Variants in STEAP2 observed in about 807,000 individuals in gnomAD.
STEAP2 encodes the protein STEAP2 metalloreductase, also known as metalloreductase STEAP2.
In STEAP2, 30 loss-of-function variants were observed where a neutral mutation model predicts 46.4. That is an observed-to-expected ratio of 0.65 (90% confidence interval 0.48 to 0.88). STEAP2 has a LOEUF of 0.88. Among genes scored for constraint, STEAP2 ranks in the 40% least tolerant of loss-of-function variants. STEAP2 has a pLI of 0.00. For synonymous variants in STEAP2, 180 were observed against 200.5 expected (o/e 0.90, Z 0.86); for missense variants, 513 against 579.3 (o/e 0.89, Z 1.18).
chr7:90,228,701 G>A (rs1347278666), intron 4 of STEAP2, among the ~76,000 whole-genome samples: 2 of 152,094 alleles, frequency 1.3e-5, no homozygotes, highest in Admixed American at 6.6e-5. Flanking sequence ...TGAGAAGAGG[G>A]ATCTTTGTCT....
intron 2 of STEAP2, among the ~76,000 whole-genome samples, chr7:90,220,196 T>C (rs1467616400): frequency 6.6e-6 from 1 of 152,202 alleles, no homozygotes; most frequent in Non-Finnish European, 1.5e-5. Context: ...TGGAAGAGTT[T>C]GAAGAGAATT....
chr7:90,232,062 T>C (rs1281098907), intron 5 of STEAP2, among the ~76,000 whole-genome samples: 1 of 151,964 alleles, frequency 6.6e-6, no homozygotes, highest in Non-Finnish European at 1.5e-5. Flanking sequence ...AGGAAAATGT[T>C]CTTGATAAAA....
chr7:90,214,771 TTATCAGTGTGAA>T (rs970524522), intron 1 of STEAP2, among the ~76,000 whole-genome samples: 2 of 152,136 alleles, frequency 1.3e-5, no homozygotes, highest in African/African-American at 4.8e-5. Flanking sequence ...CTGTTTAGAA[TTATCAGTGTGAA>T]TATTTAAACT....
chr7:90,217,285 C>G (rs1271203101), intron 2 of STEAP2, among the ~76,000 whole-genome samples: 1 of 152,132 alleles, frequency 6.6e-6, no homozygotes, highest in Non-Finnish European at 1.5e-5. Flanking sequence ...TCTCTTCTAG[C>G]TACTTTGAAA....
Position 90,234,372 on chromosome 7 carries a change from T to C in STEAP2, c.*1748T>C. ...CCTCTTCCTGAAATTATAACATTTC[T>C]AAACTTACCCACGTAGGTACTACTG... On this transcript the variant is annotated 3_prime_UTR_variant, in exon 6 of 6. Coordinates refer to ENST00000394621, the MANE Select transcript of STEAP2 (RefSeq NM_001244944.2). The C allele has an allele frequency of 1.0e-6, 1 of 985,346 alleles. No individual in the cohort carries two copies. The allele number at this position is 985,346 out of a possible 1,614,324, so 61.0% of individuals were successfully genotyped here. A position where few individuals can be genotyped will look rare whatever the true frequency, so the allele number is the denominator to read the frequency against.
At chr7:90,239,834 G>A (rs558158602), downstream of STEAP2, among the ~76,000 whole-genome samples, 1 of 152,102 alleles carries the variant, frequency 6.6e-6, no homozygotes, top group Non-Finnish European at 1.5e-5. Context: ...CTTCAGGGGT[G>A]ACTATTCTTT....
chr7:90,238,634 T>G (rs1173070200), downstream of STEAP2, among the ~76,000 whole-genome samples: 1 of 152,216 alleles, frequency 6.6e-6, no homozygotes, highest in Non-Finnish European at 1.5e-5. Flanking sequence ...CTTCTCCTAC[T>G]GCCTCACTTC....
At chr7:90,214,551 G>A (rs896970340) in intron 1 of STEAP2, among the ~76,000 whole-genome samples, 3 of 152,080 alleles carry the variant, frequency 2.0e-5, no homozygotes, top group Admixed American at 6.5e-5. Context: ...CTTCACCAAC[G>A]TGGATACAGA....
chr7:90,229,311 C>T (rs1208097437), intron 4 of STEAP2, among the ~76,000 whole-genome samples: 1 of 152,074 alleles, frequency 6.6e-6, no homozygotes, highest in East Asian at 1.9e-4. Context: ...AAATGAGCTC[C>T]ATTGGCCTTT....
chr7:90,231,855 G>A (rs1238310312), intron 5 of STEAP2, among the ~76,000 whole-genome samples: 1 of 151,926 alleles, frequency 6.6e-6, no homozygotes, highest in Non-Finnish European at 1.5e-5. Flanking sequence ...TAGATGTTTT[G>A]ACCAATAATC....
Position 90,236,568 on chromosome 7 carries a change from G to C in STEAP2, c.*3944G>C. 1 of 1,050,572 alleles carries C rather than the reference G, an allele frequency of 9.5e-7. No individual in the cohort carries two copies. The highest frequency in any genetic ancestry group is 1.1e-6 in the Non-Finnish European group (1 of 871,930). The allele number at this position is 1,050,572 out of a possible 1,614,324, so 65.1% of individuals were successfully genotyped here. A position where few individuals can be genotyped will look rare whatever the true frequency, so the allele number is the denominator to read the frequency against. Reference sequence around the variant, plus strand: ...AATAATTTCAGTGGAAACTCAATCTGTTTTTACCTTTAAACAGTGAATTTT... The same window carrying C: ...AATAATTTCAGTGGAAACTCAATCTCTTTTTACCTTTAAACAGTGAATTTT... On this transcript the variant is annotated 3_prime_UTR_variant, in exon 6 of 6. Coordinates refer to ENST00000394621, the MANE Select transcript of STEAP2 (RefSeq NM_001244944.2).
intron 5 of STEAP2, among the ~76,000 whole-genome samples, chr7:90,230,599 G>T (rs186943095): frequency 3.7e-4 from 57 of 152,026 alleles, no homozygotes; most frequent in Non-Finnish European, 3.4e-4. Context: ...ATACTAATAC[G>T]TATGGATGTC....
chr7:90,230,224 G>A (rs919620383), intron 5 of STEAP2, among the ~76,000 whole-genome samples, 188 bp downstream of exon 5: 13 of 151,894 alleles, frequency 8.6e-5, no homozygotes, highest in African/African-American at 2.9e-4. Context: ...GTCAGTATAT[G>A]ATTGTACTGG....
intron 4 of STEAP2, 63 bp downstream of exon 4, chr7:90,227,561 A>G: frequency 4.3e-6 from 6 of 1,390,152 alleles, no homozygotes; most frequent in Non-Finnish European, 4.7e-6. Flanking sequence ...TATAAATTGT[A>G]AAACATAAAA....
At chr7:90,230,127 G>C in intron 5 of STEAP2, 91 bp downstream of exon 5, 2 of 1,541,234 alleles carry the variant, frequency 1.3e-6, no homozygotes, top group Non-Finnish European at 1.7e-6. Context: ...TTATTAAAAG[G>C]GTGCCTTTGA....
At chr7:90,213,513 T>C (rs1347112399) in intron 1 of STEAP2, among the ~76,000 whole-genome samples, 1 of 152,158 alleles carries the variant, frequency 6.6e-6, no homozygotes, top group Non-Finnish European at 1.5e-5. Flanking sequence ...GACATTAACA[T>C]AACAATAACA....
chr7:90,236,755 C>T lies in STEAP2; in HGVS notation c.*4131C>T. 1 of 1,425,886 alleles carries T rather than the reference C, an allele frequency of 7.0e-7. No homozygotes were observed. Among genetic ancestry groups the T allele is most frequent in the Non-Finnish European group, 9.2e-7 (1 of 1,091,976 alleles). 88.3% of individuals were successfully genotyped at this position (1,425,886 alleles called of 1,614,324 possible). A position where few individuals can be genotyped will look rare whatever the true frequency, so the allele number is the denominator to read the frequency against. ...AATTATTGAATTTCCATCATGCATT[C>T]ATCCAAAATTAAGGCAGACTGTTTG... On this transcript the variant is annotated 3_prime_UTR_variant, in exon 6 of 6. Coordinates refer to ENST00000394621, the MANE Select transcript of STEAP2 (RefSeq NM_001244944.2).
intron 2 of STEAP2, among the ~76,000 whole-genome samples, chr7:90,217,321 A>T (rs1372752602): frequency 1.3e-5 from 2 of 152,174 alleles, no homozygotes; most frequent in Admixed American, 1.3e-4. Flanking sequence ...TACTGACTAT[A>T]GGCAACCTAC....
chr7:90,220,634 TC>T (rs749207726), intron 2 of STEAP2, among the ~76,000 whole-genome samples: 2 of 152,168 alleles, frequency 1.3e-5, no homozygotes, highest in Non-Finnish European at 2.9e-5. Context: ...CTAGTTCTGC[TC>T]TGATCTTTAT....
Sources: gnomAD v4.1 joint callset for allele counts (sites outside exome capture counted in the v4.1 genomes callset) on GRCh38, gnomAD v4.1.1 for gene constraint, MANE v1.5 for transcripts, NCBI Gene and HGNC (gene_info 2026-07-23, HGNC 2026-07-21) for gene names.